Variants in NAALADL2 observed in about 807,000 individuals in gnomAD.
NAALADL2 encodes inactive N-acetylated-alpha-linked acidic dipeptidase-like protein 2.
In NAALADL2, 76 loss-of-function variants were observed where a neutral mutation model predicts 87.2. The ratio of observed to expected loss-of-function variants is 0.87; its 90% CI spans 0.72 to 1.05. The LOEUF (loss-of-function observed/expected upper bound fraction) is 1.05, where lower values mean the gene tolerates loss of function less well. NAALADL2 is among the 50% of genes least tolerant of loss of function. NAALADL2 has a pLI of 0.00. For missense variants in NAALADL2, 1,089 were observed against 945.8 expected, an observed-to-expected ratio of 1.15 and a Z score of -1.99; for synonymous variants, 354 against 331.0, an observed-to-expected ratio of 1.07 and a Z score of -0.75.
intron 2 of NAALADL2, among the ~76,000 whole-genome samples, chr3:174,659,259 G>A (rs1048792084): frequency 1.3e-5 from 2 of 152,028 alleles, no homozygotes; most frequent in African/African-American, 4.8e-5. Flanking sequence ...TCGTTTATTT[G>A]TATTACTATT....
chr3:175,617,130 A>G (rs1725454989), intron 10 of NAALADL2, among the ~76,000 whole-genome samples: 2 of 152,174 alleles, frequency 1.3e-5, no homozygotes, highest in South Asian at 4.1e-4. Flanking sequence ...AACTACAACT[A>G]AGGCATTGGG....
At chr3:174,988,058 C>A (rs1431804189) in intron 1 of NAALADL2, among the ~76,000 whole-genome samples, 1 of 151,794 alleles carries the variant, frequency 6.6e-6, no homozygotes, top group African/African-American at 2.4e-5. Context: ...ATGGTAGTAT[C>A]AGTCATGGTT....
chr3:175,314,704 A>C lies in NAALADL2; in HGVS notation c.940-9471A>C, dbSNP rs1464534097. On this transcript the variant is annotated intron_variant, in intron 4 of 13. Transcript: ENST00000454872. ...TATATATATATATATATATATATAT[A>C]TATATATATATATATATAGTTAGAT... 6.1e-5 allele frequency among the ~76,000 whole-genome samples: 6 copies of C among 97,688 alleles called. No homozygotes were observed. The South Asian group carries it at 9.7e-4, about 16-fold the overall frequency. 64.1% of individuals were successfully genotyped at this position (97,688 alleles called of 152,430 possible).
At chr3:175,553,816 T>C (rs1355845024) in intron 9 of NAALADL2, among the ~76,000 whole-genome samples, 1 of 152,056 alleles carries the variant, frequency 6.6e-6, no homozygotes, top group African/African-American at 2.4e-5. Flanking sequence ...ACATTATCAG[T>C]ATTGATTAAT....
intron 3 of NAALADL2, among the ~76,000 whole-genome samples, chr3:175,236,414 T>C (rs1745875911): frequency 6.6e-6 from 1 of 151,032 alleles, no homozygotes; most frequent in Non-Finnish European, 1.5e-5. Context: ...CCGGGCCCGG[T>C]GGCAGGCTCC....
At chr3:174,588,079 C>CT (rs371926660) in intron 2 of NAALADL2, among the ~76,000 whole-genome samples, 2,036 of 152,178 alleles carry the variant, frequency 0.013, 13 homozygotes, top group South Asian at 0.024. Context: ...TCTTTTTACT[C>CT]TTTTTTCTGT....
chr3:174,905,017 G>A (rs115755749), intron 1 of NAALADL2, among the ~76,000 whole-genome samples: 2,108 of 151,822 alleles, frequency 0.014, 57 homozygotes, highest in African/African-American at 0.048. Flanking sequence ...CACATAATTA[G>A]TAATTCTATA....
intron 9 of NAALADL2, among the ~76,000 whole-genome samples, chr3:175,501,424 G>GACACACAC (rs61284771): frequency 2.2e-4 from 33 of 148,928 alleles, no homozygotes; most frequent in African/African-American, 5.5e-4. Flanking sequence ...ATACGTTTTA[G>GACACACAC]ACACACACAC....
At chr3:175,755,083 A>G in intron 12 of NAALADL2, 137 bp from the exon 13 acceptor site, 1 of 650,426 alleles carries the variant, frequency 1.5e-6, no homozygotes, top group Non-Finnish European at 2.5e-6. Flanking sequence ...AAAAAGAGAG[A>G]GAGAACTGTC....
intron 5 of NAALADL2, among the ~76,000 whole-genome samples, chr3:175,341,521 C>CCAAG: frequency 6.6e-6 from 1 of 151,986 alleles, no homozygotes; most frequent in African/African-American, 2.4e-5. Flanking sequence ...GGGCATGTAC[C>CCAAG]TAAGAGTAGA....
At chr3:175,292,623 C>CACACACACACACACA (rs1560302366) in intron 4 of NAALADL2, among the ~76,000 whole-genome samples, 3 of 150,680 alleles carry the variant, frequency 2.0e-5, no homozygotes, top group Admixed American at 6.6e-5. Context: ...CACACACACA[C>CACACACACACACACA]CTGAGGGGAT....
chr3:174,504,761 AAAG>A (rs1217875768), intron 1 of NAALADL2, among the ~76,000 whole-genome samples: 2 of 152,140 alleles, frequency 1.3e-5, no homozygotes, highest in African/African-American at 2.4e-5. Flanking sequence ...TTATGAAAAT[AAAG>A]AAGGAGAAAG....
chr3:174,612,655 T>C (rs1007732834), intron 2 of NAALADL2, among the ~76,000 whole-genome samples: 26 of 152,158 alleles, frequency 1.7e-4, no homozygotes, highest in African/African-American at 5.1e-4. Context: ...TATTTCATTC[T>C]TTTTGTTTAA....
intron 2 of NAALADL2, among the ~76,000 whole-genome samples, chr3:174,657,754 G>A (rs922384548): frequency 6.6e-6 from 1 of 152,114 alleles, no homozygotes; most frequent in Non-Finnish European, 1.5e-5. Flanking sequence ...TATTTCCACT[G>A]CCCTAGAAAC....
intron 1 of NAALADL2, among the ~76,000 whole-genome samples, chr3:174,924,855 G>T (rs564226866): frequency 6.6e-6 from 1 of 152,324 alleles, no homozygotes; most frequent in South Asian, 2.1e-4. Flanking sequence ...TCTGTTGGCT[G>T]CACAAATGCC....
chr3:175,786,409 C>T (rs189443069), intron 13 of NAALADL2, among the ~76,000 whole-genome samples: 6 of 152,146 alleles, frequency 3.9e-5, no homozygotes, highest in Admixed American at 3.9e-4. Context: ...GCTTTTTACT[C>T]TTTTTTCTCT....
chr3:175,473,414 G>A (rs1308474705), intron 9 of NAALADL2, among the ~76,000 whole-genome samples: 1 of 151,758 alleles, frequency 6.6e-6, no homozygotes, highest in Non-Finnish European at 1.5e-5. Flanking sequence ...TGTTGAGATC[G>A]TGTGTCTGTG....
intron 3 of NAALADL2, among the ~76,000 whole-genome samples, chr3:175,239,441 T>G (rs1393750909): frequency 6.6e-6 from 1 of 152,222 alleles, no homozygotes; most frequent in Non-Finnish European, 1.5e-5. Flanking sequence ...TTATTTCTTT[T>G]GTCCTTTGTG....
chr3:174,683,172 T>C (rs1727709583), intron 2 of NAALADL2, among the ~76,000 whole-genome samples: 1 of 152,154 alleles, frequency 6.6e-6, no homozygotes, highest in Non-Finnish European at 1.5e-5. Flanking sequence ...AAAGAATTAG[T>C]GAGCTTGAAG....
Sources: allele counts gnomAD v4.1 joint callset (sites outside exome capture counted in the v4.1 genomes callset), GRCh38; gene constraint gnomAD v4.1.1; transcripts MANE v1.5; gene names NCBI Gene and HGNC (gene_info 2026-07-23, HGNC 2026-07-21).